SNTG1: variants seen among roughly 807,000 people sequenced by gnomAD.
The protein encoded by SNTG1 is gamma-1-syntrophin.
SNTG1 carries 39 observed loss-of-function variants against 74.7 expected under a neutral mutation model. That is an observed-to-expected ratio of 0.52 (90% CI 0.40 to 0.68). SNTG1 has a LOEUF of 0.68. Among genes scored for constraint, SNTG1 ranks in the 30% least tolerant of loss-of-function variants. SNTG1 has a pLI of 0.00. For synonymous variants in SNTG1, 254 were observed against 217.1 expected (o/e 1.17, Z -1.49); for missense variants, 685 against 609.5 (o/e 1.12, Z -1.30).
intron 17 of SNTG1, among the ~76,000 whole-genome samples, chr8:50,720,173 C>G (rs2095484420): frequency 6.6e-6 from 1 of 152,142 alleles, no homozygotes; most frequent in Non-Finnish European, 1.5e-5. Context: ...GCTTGCTGTC[C>G]ATTTTAGTCT....
At chr8:50,067,845 G>C (rs933975458) in intron 1 of SNTG1, among the ~76,000 whole-genome samples, 2 of 152,108 alleles carry the variant, frequency 1.3e-5, no homozygotes, top group African/African-American at 4.8e-5. Flanking sequence ...TGCAGTACTC[G>C]GGCACACAGC....
intron 13 of SNTG1, among the ~76,000 whole-genome samples, chr8:50,652,881 G>T (rs2095156829): frequency 6.6e-6 from 1 of 151,722 alleles, no homozygotes. Context: ...ACATTATTAT[G>T]TCTTTTTGAT....
At chr8:50,019,547 T>G (rs535885157) in intron 1 of SNTG1, among the ~76,000 whole-genome samples, 1 of 152,254 alleles carries the variant, frequency 6.6e-6, no homozygotes, top group African/African-American at 2.4e-5. Context: ...GAACTATTAA[T>G]GCATCTGTTC....
intron 1 of SNTG1, among the ~76,000 whole-genome samples, chr8:50,161,097 A>ACAATCAC (rs1325338449): frequency 6.6e-6 from 1 of 152,244 alleles, no homozygotes; most frequent in Non-Finnish European, 1.5e-5. Context: ...ATATTATTCT[A>ACAATCAC]AATGATACTG....
At chr8:50,370,816 A>C (rs142756617) in intron 2 of SNTG1, among the ~76,000 whole-genome samples, 119 of 152,146 alleles carry the variant, frequency 7.8e-4, no homozygotes, top group African/African-American at 2.7e-3. Flanking sequence ...GAATTTTCTA[A>C]TTTATACAAG....
intron 1 of SNTG1, among the ~76,000 whole-genome samples, chr8:50,016,753 C>A (rs1816355839): frequency 6.6e-6 from 1 of 152,002 alleles, no homozygotes. Context: ...AAGTCATTAG[C>A]AAAATAACAT....
chr8:50,640,537 C>T (rs2095065974), intron 13 of SNTG1, among the ~76,000 whole-genome samples: 1 of 152,178 alleles, frequency 6.6e-6, no homozygotes, highest in African/African-American at 2.4e-5. Flanking sequence ...GCCTTCATCA[C>T]ACACATATGT....
intron 2 of SNTG1, among the ~76,000 whole-genome samples, chr8:50,321,472 C>T (rs977523535): frequency 6.6e-6 from 1 of 151,888 alleles, no homozygotes; most frequent in African/African-American, 2.4e-5. Flanking sequence ...TGGGTCTTCC[C>T]TTTTTATTCA....
At chr8:50,165,532 TTAA>T (rs2082582075) in intron 1 of SNTG1, among the ~76,000 whole-genome samples, 1 of 152,242 alleles carries the variant, frequency 6.6e-6, no homozygotes. Flanking sequence ...TACAATTGAC[TTAA>T]TATTGCTTAA....
chr8:50,036,444 A>G (rs1457605350), intron 1 of SNTG1, among the ~76,000 whole-genome samples: 1 of 152,178 alleles, frequency 6.6e-6, no homozygotes, highest in African/African-American at 2.4e-5. Context: ...TTCAGCATAG[A>G]TAGCCTTCTT....
chr8:50,683,125 G>A (rs762862643), intron 15 of SNTG1, among the ~76,000 whole-genome samples: 5 of 152,094 alleles, frequency 3.3e-5, no homozygotes, highest in Non-Finnish European at 5.9e-5. Context: ...TTAGTGCTAT[G>A]TCCCCACACT....
chr8:50,446,320 G>A (rs2093407067), intron 5 of SNTG1, among the ~76,000 whole-genome samples: 1 of 150,812 alleles, frequency 6.6e-6, no homozygotes, highest in East Asian at 2.0e-4. Context: ...AATTACTGAA[G>A]TCATTTTCAG....
rs373517440 is a variant in SNTG1, at chr8:50,704,797, A to G, written c.1191+45A>G. On this transcript the variant is annotated intron_variant, in intron 16 of 18. Transcript: ENST00000642720. ...CAGGATGTGTGGCTCCCTCAGATGCATGACCACTTCCCTAGAGTTCTAATA... is the reference window on the plus strand; with the variant it reads ...CAGGATGTGTGGCTCCCTCAGATGCGTGACCACTTCCCTAGAGTTCTAATA... The G allele has an allele frequency of 1.2e-5, 20 of 1,602,278 alleles. No individual in the cohort carries two copies. The South Asian group carries it at 1.9e-4, about 15-fold the overall frequency.
rs34746562 is a variant in SNTG1 at position 50,162,559 on chromosome 8, C to CAA, written c.-102-9985_-102-9984dup. On this transcript the variant is annotated intron_variant, in intron 1 of 18. Transcript: ENST00000642720. The stretch of plus-strand genomic sequence containing the variant: ...CCTGGGCGACAGCAAGACTCTGTCT[C>CAA]AAAAAAAAAAAAAAAAAAGAAAAAA... Among the ~76,000 whole-genome samples the CAA allele has an allele frequency of 2.6e-3, 216 of 83,916 alleles. 1 individual carries two copies. Among genetic ancestry groups the CAA allele is most frequent in the Non-Finnish European group, 4.1e-3 (174 of 42,628 alleles). The allele number at this position is 83,916 out of a possible 152,430, so 55.1% of individuals were successfully genotyped here.
chr8:50,356,646 C>A (rs555853663), intron 2 of SNTG1, among the ~76,000 whole-genome samples: 1 of 152,186 alleles, frequency 6.6e-6, no homozygotes, highest in African/African-American at 2.4e-5. Context: ...AAGGGACAAT[C>A]TCTCTTTTTC....
At chr8:50,756,929 C>A (rs1270013860) in intron 18 of SNTG1, among the ~76,000 whole-genome samples, 1 of 151,790 alleles carries the variant, frequency 6.6e-6, no homozygotes, top group South Asian at 2.1e-4. Flanking sequence ...TTTAGTACTT[C>A]TTTGATTTAT....
At position 50,354,238 on chromosome 8, in the gene SNTG1, C is replaced by A. The variant is rs192877281; in HGVS notation, c.-27-39974C>A. 2.2e-3 allele frequency among the ~76,000 whole-genome samples: 331 copies of A among 152,264 alleles called. 8 individuals carry two copies. The highest frequency in any genetic ancestry group is 7.7e-3 in the African/African-American group (319 of 41,544). On this transcript the variant is annotated intron_variant, in intron 2 of 18. Coordinates refer to ENST00000642720, the MANE Select transcript of SNTG1 (RefSeq NM_018967.5). ...AAAGGTGTAAAAGTTACAAACAATT[C>A]TTTATGTCTGGAGCAAATAGTCACA... is the stretch of plus-strand genomic sequence containing the variant.
At chr8:50,074,573 C>T (rs997521294) in intron 1 of SNTG1, among the ~76,000 whole-genome samples, 1 of 152,124 alleles carries the variant, frequency 6.6e-6, no homozygotes, top group African/African-American at 2.4e-5. Context: ...TGTATATGGT[C>T]GTGATTTGTG....
chr8:50,709,931 T>G (rs1329743794), intron 17 of SNTG1, among the ~76,000 whole-genome samples: 1 of 152,216 alleles, frequency 6.6e-6, no homozygotes, highest in Non-Finnish European at 1.5e-5. Flanking sequence ...AATTAAGTTT[T>G]GTGTAGGATT....
Sources: gnomAD v4.1 joint callset for allele counts (sites outside exome capture counted in the v4.1 genomes callset) on GRCh38, gnomAD v4.1.1 for gene constraint, MANE v1.5 for transcripts, NCBI Gene and HGNC (gene_info 2026-07-23, HGNC 2026-07-21) for gene names.